Variants in RELN observed in about 807,000 individuals in gnomAD.
RELN encodes reelin.
In RELN, 108 loss-of-function variants were observed where a neutral mutation model predicts 427.6. That is an observed-to-expected ratio of 0.25 (90% confidence interval 0.22 to 0.30). The LOEUF is 0.30. RELN is among the 10% of genes least tolerant of loss of function. The pLI is 1.00. For missense variants in RELN, 3,715 were observed against 4,302.8 expected (o/e 0.86, Z 3.82); for synonymous variants, 1,524 against 1,513.4 (o/e 1.01, Z -0.16).
At chr7:103,491,769 C>T (rs377170557) in intron 58 of RELN, among the ~76,000 whole-genome samples, 184 bp downstream of exon 58, 139 of 150,338 alleles carry the variant, frequency 9.2e-4, no homozygotes, top group African/African-American at 3.0e-3. Flanking sequence ...GCGGAGGTTG[C>T]GGTGAGCCGA....
At position 103,605,516 on chromosome 7, in the gene RELN, A is replaced by G. The variant is rs150428935; in HGVS notation, c.3009-1033T>C. Among the ~76,000 whole-genome samples, 392 of 152,326 alleles carry G rather than the reference A, an allele frequency of 2.6e-3. 2 individuals carry two copies. Among genetic ancestry groups the G allele is most frequent in the African/African-American group, 8.8e-3 (364 of 41,588 alleles). ...ATGTCAAGAAGGTGTCTGTCTATTCATTGACTGCTATAAAACATTCTTTTA... is the reference window on the plus strand; with the variant it reads ...ATGTCAAGAAGGTGTCTGTCTATTCGTTGACTGCTATAAAACATTCTTTTA... On this transcript the variant is annotated intron_variant, in intron 22 of 64. Transcript: ENST00000428762.
At chr7:103,743,359 A>G (rs1165994045) in intron 6 of RELN, among the ~76,000 whole-genome samples, 1 of 152,122 alleles carries the variant, frequency 6.6e-6, no homozygotes, top group Admixed American at 6.6e-5. Context: ...ACCAACTAAC[A>G]AGCAAAATAA....
intron 16 of RELN, among the ~76,000 whole-genome samples, chr7:103,649,884 TGTG>T (rs1465836794): frequency 2.0e-5 from 3 of 152,020 alleles, no homozygotes; most frequent in Non-Finnish European, 2.9e-5. Flanking sequence ...TTCCAGATGT[TGTG>T]GTAGTTACTA....
At chr7:103,802,952 T>C (rs1792505195) in intron 3 of RELN, among the ~76,000 whole-genome samples, 1 of 152,042 alleles carries the variant, frequency 6.6e-6, no homozygotes, top group Non-Finnish European at 1.5e-5. Context: ...GCATTTGTTT[T>C]ACAAAGTAAT....
intron 46 of RELN, among the ~76,000 whole-genome samples, chr7:103,523,770 T>C (rs555239878): frequency 1.3e-5 from 2 of 152,208 alleles, no homozygotes; most frequent in South Asian, 4.2e-4. Context: ...CTCCACTTCC[T>C]GGGTTCAAGC....
intron 3 of RELN, among the ~76,000 whole-genome samples, chr7:103,816,357 C>A (rs1454324705): frequency 6.6e-6 from 1 of 152,090 alleles, no homozygotes; most frequent in Non-Finnish European, 1.5e-5. Flanking sequence ...CCAGCCTGAG[C>A]AACACAGTGA....
chr7:103,890,689 A>G (rs754108689), intron 2 of RELN, among the ~76,000 whole-genome samples: 9 of 152,206 alleles, frequency 5.9e-5, no homozygotes, highest in Non-Finnish European at 1.0e-4. Context: ...ACAGCATTTA[A>G]GCAATCAAGC....
intron 41 of RELN, among the ~76,000 whole-genome samples, chr7:103,546,965 A>G (rs62480442): frequency 0.01 from 1,548 of 152,342 alleles, 14 homozygotes; most frequent in Middle Eastern, 0.024. Flanking sequence ...CATGTTGCTG[A>G]TAAGTTAGCT....
chr7:103,908,471 A>T (rs145548865), intron 2 of RELN, among the ~76,000 whole-genome samples: 4 of 152,302 alleles, frequency 2.6e-5, no homozygotes, highest in African/African-American at 9.6e-5. Flanking sequence ...CAAGTTAGCA[A>T]GAAACAGGGC....
intron 46 of RELN, among the ~76,000 whole-genome samples, chr7:103,525,659 A>G (rs1247656557): frequency 6.6e-6 from 1 of 151,922 alleles, no homozygotes; most frequent in Non-Finnish European, 1.5e-5. Context: ...TCCATAGCAC[A>G]TAATTACTCG....
intron 3 of RELN, among the ~76,000 whole-genome samples, chr7:103,804,877 T>C (rs1443768043): frequency 1.3e-5 from 2 of 152,128 alleles, no homozygotes; most frequent in Non-Finnish European, 2.9e-5. Flanking sequence ...CCAGCCAGCA[T>C]AGTTTTAATG....
chr7:103,985,016 T>C (rs1394934056), intron 1 of RELN, among the ~76,000 whole-genome samples: 1 of 152,210 alleles, frequency 6.6e-6, no homozygotes, highest in Non-Finnish European at 1.5e-5. Flanking sequence ...TCAGAACACG[T>C]GTGCCTTTAA....
chr7:103,490,577 G>C, intron 59 of RELN, 91 bp downstream of exon 59: 1 of 1,359,688 alleles, frequency 7.4e-7, no homozygotes, highest in Non-Finnish European at 1.1e-6. Context: ...GTAAAGCTCT[G>C]CCTCACACTG....
chr7:103,483,715 G>A lies in RELN; in HGVS notation c.10119C>T (p.Val3373=). The A allele has an allele frequency of 1.2e-6, 2 of 1,614,186 alleles. No individual in the cohort carries two copies. The highest frequency in any genetic ancestry group is 1.7e-6 in the Non-Finnish European group (2 of 1,180,024). Residue 3373 remains valine, a synonymous_variant, in exon 62 of 65, where the codon GTC becomes GTT. Transcript: ENST00000428762. The part of the protein sequence containing the change: ...YSVNNGITWH[V]IAQHQPKDFT... ...AGTCCTTTGGCTGGTGCTGGGCGAT[G>A]ACATGCCAGGTGATCCCGTTGTTGA... is the stretch of plus-strand genomic sequence containing the variant.
At position 103,845,051 on chromosome 7, in the gene RELN, C is replaced by G. The variant is rs1793640189; in HGVS notation, c.338-11379G>C. On this transcript the variant is annotated intron_variant, in intron 2 of 64. Transcript: ENST00000428762. ...TAACTGTACATCCAGACTGGCTAAACTAAAAGAATTATCCATAGCAATGTT... is the reference window on the plus strand; with the variant it reads ...TAACTGTACATCCAGACTGGCTAAAGTAAAAGAATTATCCATAGCAATGTT... Among the ~76,000 whole-genome samples the G allele has an allele frequency of 2.0e-5, 3 of 152,244 alleles. No homozygotes were observed. The South Asian group carries it at 6.2e-4, about 32-fold the overall frequency.
At chr7:103,571,888 A>ATTT (rs577947244) in intron 31 of RELN, among the ~76,000 whole-genome samples, 2 of 151,504 alleles carry the variant, frequency 1.3e-5, no homozygotes, top group African/African-American at 4.8e-5. Flanking sequence ...TTGTTTTGGG[A>ATTT]TTTTTTTTTG....
chr7:103,691,420 G>C (rs1259453840), intron 10 of RELN, among the ~76,000 whole-genome samples: 1 of 152,058 alleles, frequency 6.6e-6, no homozygotes, highest in Non-Finnish European at 1.5e-5. Flanking sequence ...TTTTCTATTT[G>C]ACCTGCCACT....
chr7:103,749,972 G>A (rs1160873782), intron 5 of RELN, among the ~76,000 whole-genome samples: 1 of 114,542 alleles, frequency 8.7e-6, no homozygotes, highest in Non-Finnish European at 2.0e-5. Flanking sequence ...GTTCTCATGA[G>A]ATTTGATGGT....
chr7:103,656,675 G>T (rs1349262233), intron 12 of RELN, among the ~76,000 whole-genome samples: 1 of 152,014 alleles, frequency 6.6e-6, no homozygotes, highest in Non-Finnish European at 1.5e-5. Context: ...AAATTTGTGG[G>T]TTTTTGTTTT....
Sources: allele counts gnomAD v4.1 joint callset (sites outside exome capture counted in the v4.1 genomes callset), GRCh38; gene constraint gnomAD v4.1.1; transcripts MANE v1.5; gene names NCBI Gene and HGNC (gene_info 2026-07-23, HGNC 2026-07-21).